Variants in CAMK4 observed in about 807,000 individuals in gnomAD.
The protein encoded by CAMK4 is calcium/calmodulin-dependent protein kinase type IV.
A neutral mutation model predicts 44.9 loss-of-function variants in CAMK4; 22 were observed. The observed-to-expected ratio is 0.49, with a 90% confidence interval of 0.35 to 0.70. The LOEUF (loss-of-function observed/expected upper bound fraction) is 0.70. Among genes scored for constraint, CAMK4 ranks in the 30% least tolerant of loss-of-function variants. The pLI is 0.01. For synonymous variants in CAMK4, 218 were observed against 215.4 expected, an observed-to-expected ratio of 1.01 and a Z score of -0.11; for missense variants, 498 against 586.8, an observed-to-expected ratio of 0.85 and a Z score of 1.56.
intron 4 of CAMK4, among the ~76,000 whole-genome samples, chr5:111,390,201 C>G (rs1310608855): frequency 1.3e-5 from 2 of 151,806 alleles, no homozygotes; most frequent in Non-Finnish European, 2.9e-5. Context: ...TAAAGTATCC[C>G]AAAAATAAAA....
chr5:111,258,051 C>G (rs780297542), intron 1 of CAMK4, among the ~76,000 whole-genome samples: 3 of 152,082 alleles, frequency 2.0e-5, no homozygotes, highest in Non-Finnish European at 4.4e-5. Flanking sequence ...ATAGTTAATG[C>G]ATGCAGGCTT....
intron 4 of CAMK4, among the ~76,000 whole-genome samples, chr5:111,390,780 A>T (rs1399281151): frequency 6.6e-6 from 1 of 152,202 alleles, no homozygotes; most frequent in African/African-American, 2.4e-5. Context: ...ACTCAATGAC[A>T]ATATCTACAG....
At chr5:111,368,662 T>C (rs1359327690) in intron 2 of CAMK4, among the ~76,000 whole-genome samples, 1 of 152,152 alleles carries the variant, frequency 6.6e-6, no homozygotes, top group Admixed American at 6.6e-5. Flanking sequence ...AGCTGTCCAT[T>C]TCCATTTTGT....
chr5:111,394,411 A>C (rs1428412373), intron 4 of CAMK4, among the ~76,000 whole-genome samples: 2 of 152,210 alleles, frequency 1.3e-5, no homozygotes, highest in African/African-American at 4.8e-5. Context: ...TTCATTGTAT[A>C]ATATCTACTG....
chr5:111,326,581 T>A (rs1483831591), intron 1 of CAMK4, among the ~76,000 whole-genome samples: 1 of 136,822 alleles, frequency 7.3e-6, no homozygotes, highest in Admixed American at 7.2e-5. Context: ...ATCTTCCACC[T>A]TTTTTTTTTA....
At chr5:111,399,653 A>G (rs1752149973) in intron 5 of CAMK4, among the ~76,000 whole-genome samples, 1 of 152,226 alleles carries the variant, frequency 6.6e-6, no homozygotes, top group South Asian at 2.1e-4. Flanking sequence ...ATAACGAGCC[A>G]TGTACTAAAC....
intron 4 of CAMK4, among the ~76,000 whole-genome samples, chr5:111,387,431 T>C (rs149458148): frequency 6.6e-6 from 1 of 152,322 alleles, no homozygotes; most frequent in Non-Finnish European, 1.5e-5. Flanking sequence ...AAAATAAGTT[T>C]CTAAAAAGAT....
At chr5:111,335,038 G>C (rs1483079691) in intron 1 of CAMK4, among the ~76,000 whole-genome samples, 1 of 151,442 alleles carries the variant, frequency 6.6e-6, no homozygotes, top group Non-Finnish European at 1.5e-5. Flanking sequence ...TATCATTGCA[G>C]AGATCCAGCT....
At chr5:111,310,571 C>G (rs1403625421) in intron 1 of CAMK4, among the ~76,000 whole-genome samples, 1 of 152,076 alleles carries the variant, frequency 6.6e-6, no homozygotes, top group African/African-American at 2.4e-5. Flanking sequence ...TGGAAGATGG[C>G]TCAGAGGGGT....
chr5:111,454,655 A>G (rs543566995), intron 7 of CAMK4, among the ~76,000 whole-genome samples: 81 of 151,530 alleles, frequency 5.3e-4, no homozygotes, highest in African/African-American at 1.8e-3. Context: ...GACAAAAAAA[A>G]AAAAAAAAGA....
chr5:111,423,099 T>C (rs567778327), intron 5 of CAMK4, among the ~76,000 whole-genome samples: 40 of 152,312 alleles, frequency 2.6e-4, no homozygotes, highest in Non-Finnish European at 5.1e-4. Context: ...GCATTTTGAG[T>C]GCTGGGAATA....
intron 1 of CAMK4, among the ~76,000 whole-genome samples, chr5:111,261,555 C>G (rs1370905580): frequency 7.1e-6 from 1 of 140,952 alleles, no homozygotes; most frequent in African/African-American, 3.0e-5. Context: ...TTCTCTGACC[C>G]TAATAGTTTT....
At chr5:111,403,960 A>G (rs529832559) in intron 5 of CAMK4, among the ~76,000 whole-genome samples, 8 of 152,254 alleles carry the variant, frequency 5.3e-5, no homozygotes, top group Non-Finnish European at 8.8e-5. Context: ...CTCAATCTAT[A>G]AATTTGGAAA....
intron 1 of CAMK4, among the ~76,000 whole-genome samples, chr5:111,308,838 A>G (rs925736364): frequency 6.6e-6 from 1 of 152,256 alleles, no homozygotes; most frequent in East Asian, 1.9e-4. Flanking sequence ...TTAAATATTC[A>G]GTAATCTTAA....
chr5:111,312,415 T>G (rs78074520), intron 1 of CAMK4, among the ~76,000 whole-genome samples: 285 of 152,312 alleles, frequency 1.9e-3, no homozygotes, highest in Middle Eastern at 3.4e-3. Flanking sequence ...ATAATGTTGT[T>G]CTGAGAGTGA....
chr5:111,266,890 G>A (rs1240880547), intron 1 of CAMK4, among the ~76,000 whole-genome samples: 1 of 152,160 alleles, frequency 6.6e-6, no homozygotes, highest in Non-Finnish European at 1.5e-5. Flanking sequence ...GTTCTCCATT[G>A]GTTTCTATGC....
At chr5:111,429,121 A>G (rs543163662) in intron 5 of CAMK4, among the ~76,000 whole-genome samples, 6 of 152,324 alleles carry the variant, frequency 3.9e-5, no homozygotes, top group South Asian at 2.1e-4. Context: ...AACTTAGTAG[A>G]AGAAAAGTAA....
chr5:111,437,000 A>G lies in CAMK4; in HGVS notation c.460-9686A>G, dbSNP rs149080872. ...AATGGTTTAAAATGTCATTTGGAAG[A>G]TGAAATTCTTTCTTCTGATCTCGCA... On this transcript the variant is annotated intron_variant, in intron 5 of 10. Coordinates refer to ENST00000282356, the MANE Select transcript of CAMK4 (RefSeq NM_001744.6). Among the ~76,000 whole-genome samples, 231 of 152,356 alleles carry G rather than the reference A, an allele frequency of 1.5e-3. No homozygotes were observed. The Middle Eastern group carries it at 0.024, about 16-fold the overall frequency.
At chr5:111,443,273 TATATATACACAC>T (rs1212775751) in intron 5 of CAMK4, among the ~76,000 whole-genome samples, 2,779 of 50,398 alleles carry the variant, frequency 0.055, 42 homozygotes, top group East Asian at 0.19. Context: ...TATATATATA[TATATATACACAC>T]ACACACACAC....
Sources: allele counts gnomAD v4.1 joint callset (sites outside exome capture counted in the v4.1 genomes callset), GRCh38; gene constraint gnomAD v4.1.1; transcripts MANE v1.5; gene names NCBI Gene and HGNC (gene_info 2026-07-23, HGNC 2026-07-21).